The following BMPR2 variants were observed in gnomAD, a reference collection of about 807,000 sequenced individuals.
The protein encoded by BMPR2 is bone morphogenetic protein receptor type-2.
BMPR2 carries 29 observed loss-of-function variants against 100.8 expected under a neutral mutation model. The ratio of observed to expected loss-of-function variants is 0.29; its 90% CI spans 0.21 to 0.39. The LOEUF is 0.39. Ranked by LOEUF, BMPR2 falls within the 10% of genes least tolerant of loss-of-function variation. BMPR2 has a pLI of 1.00. For missense variants in BMPR2, 1,011 were observed against 1,274.5 expected, an observed-to-expected ratio of 0.79 and a Z score of 3.15; for synonymous variants, 382 against 442.3, an observed-to-expected ratio of 0.86 and a Z score of 1.71.
intron 3 of BMPR2, chr2:202,505,373 G>A (rs1214783289): frequency 2.4e-5 from 3 of 125,632 alleles, no homozygotes; most frequent in Non-Finnish European, 4.9e-5. Flanking sequence ...AATAAATTTT[G>A]GAAACAGGAT....
chr2:202,457,634 A>G (rs1574459445), intron 1 of BMPR2, among the ~76,000 whole-genome samples: 1 of 150,648 alleles, frequency 6.6e-6, no homozygotes, highest in Non-Finnish European at 1.5e-5. Flanking sequence ...AACCTATGCT[A>G]ATTTTTCTGT....
In BMPR2 at chr2:202,467,825, G is replaced by A. The variant is rs531762600; in HGVS notation, c.418+136G>A. 2.0e-4 allele frequency: 170 copies of A among 854,512 alleles called. No homozygotes were observed. In the African/African-American group the frequency reaches 2.0e-3, roughly 10 times the overall value. The allele number at this position is 854,512 out of a possible 1,614,324, so 52.9% of individuals were successfully genotyped here. On this transcript the variant is annotated intron_variant, in intron 3 of 12. Transcript: ENST00000374580. ...TGTAATGCCAGCACTTTGGGAGGCC[G>A]AGGTGGATGGATCACCTGAGGTCAG...
chr2:202,492,805 GA>G (rs1231035976), intron 3 of BMPR2, among the ~76,000 whole-genome samples: 2 of 150,794 alleles, frequency 1.3e-5, no homozygotes, highest in Non-Finnish European at 2.9e-5. Context: ...CAGACCAGGA[GA>G]AATTTAATGG....
chr2:202,544,761 C>CTTTT (rs56654364), intron 10 of BMPR2, among the ~76,000 whole-genome samples: 134 of 82,646 alleles, frequency 1.6e-3, no homozygotes, highest in African/African-American at 2.8e-3. Context: ...CTTTTTCTTT[C>CTTTT]TTTTTTTTTT....
intron 1 of BMPR2, among the ~76,000 whole-genome samples, chr2:202,415,703 C>T (rs1264051335): frequency 6.6e-6 from 1 of 152,208 alleles, no homozygotes; most frequent in Non-Finnish European, 1.5e-5. Context: ...GACAGCACAT[C>T]TGCTTACAGC....
intron 3 of BMPR2, among the ~76,000 whole-genome samples, chr2:202,478,437 C>T (rs1011274953): frequency 1.3e-5 from 2 of 152,154 alleles, no homozygotes; most frequent in Admixed American, 1.3e-4. Flanking sequence ...GTTGACAGAA[C>T]GTTGTGACTT....
At chr2:202,382,466 C>CA (rs1690324890) in intron 1 of BMPR2, among the ~76,000 whole-genome samples, 1 of 152,210 alleles carries the variant, frequency 6.6e-6, no homozygotes, top group South Asian at 2.1e-4. Flanking sequence ...GTTGGGATTA[C>CA]AGGTGTGAGC....
intron 2 of BMPR2, among the ~76,000 whole-genome samples, chr2:202,465,969 T>G (rs890873771): frequency 2.6e-5 from 4 of 152,256 alleles, no homozygotes; most frequent in African/African-American, 9.6e-5. Context: ...TTTTAACTTT[T>G]GCACAACATA....
At chr2:202,389,137 C>T (rs1026435005) in intron 1 of BMPR2, among the ~76,000 whole-genome samples, 6 of 151,388 alleles carry the variant, frequency 4.0e-5, no homozygotes, top group Admixed American at 4.0e-4. Flanking sequence ...AGGTGGGAGG[C>T]TCACTGAAGC....
At position 202,495,327 on chromosome 2, in the gene BMPR2, C is replaced by G. The variant is rs1014536557; in HGVS notation, c.419-18392C>G. 6.6e-6 allele frequency among the ~76,000 whole-genome samples: 1 copy of G among 152,270 alleles called. No homozygotes were observed. The highest frequency in any genetic ancestry group is 1.9e-4 in the East Asian group (1 of 5,182). ...AGATGGTTTTCTCCTGGAGTTGGGC[C>G]GCTTGGTGGCCAGGGCTCTCCTCCG... On this transcript the variant is annotated intron_variant, in intron 3 of 12. Coordinates refer to ENST00000374580, the MANE Select transcript of BMPR2 (RefSeq NM_001204.7). This position sits in a 1 kb window ranked among gnomAD's most constrained non-coding sequence, Gnocchi z 4.5.
At chr2:202,458,272 C>T (rs774847359) in intron 1 of BMPR2, among the ~76,000 whole-genome samples, 74 of 128,660 alleles carry the variant, frequency 5.8e-4, no homozygotes, top group Non-Finnish European at 1.1e-3. Flanking sequence ...CATAGCAAGA[C>T]CTTGTCTCTG....
At chr2:202,447,873 G>T (rs916612478) in intron 1 of BMPR2, among the ~76,000 whole-genome samples, 2 of 150,346 alleles carry the variant, frequency 1.3e-5, no homozygotes, top group Admixed American at 1.3e-4. Flanking sequence ...AATTATGTAG[G>T]TTAAGAATGT....
At chr2:202,509,195 T>C (rs1216275463) in intron 3 of BMPR2, among the ~76,000 whole-genome samples, 1 of 152,114 alleles carries the variant, frequency 6.6e-6, no homozygotes, top group African/African-American at 2.4e-5. Flanking sequence ...AGCAGCATAC[T>C]TTTTAGTATC....
intron 1 of BMPR2, among the ~76,000 whole-genome samples, chr2:202,378,209 G>C (rs1690194729): frequency 1.3e-5 from 2 of 152,164 alleles, no homozygotes; most frequent in Admixed American, 6.5e-5. Context: ...ACTTCTAGGA[G>C]ATTTGACTCC....
At chr2:202,400,813 CAT>C (rs1306440717) in intron 1 of BMPR2, among the ~76,000 whole-genome samples, 1 of 152,078 alleles carries the variant, frequency 6.6e-6, no homozygotes, top group Non-Finnish European at 1.5e-5. Flanking sequence ...AATTGTGAAA[CAT>C]TTTTGTTTAG....
chr2:202,467,376 AAT>A (rs1692345769), intron 2 of BMPR2, 141 bp from the exon 3 acceptor site: 2 of 748,710 alleles, frequency 2.7e-6, no homozygotes, highest in Non-Finnish European at 4.4e-6. Context: ...GTTTCTTAAA[AAT>A]ATGTTTCCTG....
chr2:202,559,041 T>C (rs574331174), intron 12 of BMPR2, among the ~76,000 whole-genome samples: 22 of 152,218 alleles, frequency 1.4e-4, no homozygotes, highest in African/African-American at 5.1e-4. Flanking sequence ...GGCTCACACC[T>C]GTAATCCCAG....
At chr2:202,464,100 G>A (rs1176597944) in intron 1 of BMPR2, among the ~76,000 whole-genome samples, 3 of 149,742 alleles carry the variant, frequency 2.0e-5, no homozygotes, top group South Asian at 2.1e-4. Context: ...CAGAGGTTGC[G>A]GTGAGGCGAG....
chr2:202,485,564 T>TTTTTTTA, intron 3 of BMPR2, among the ~76,000 whole-genome samples: 1 of 140,094 alleles, frequency 7.1e-6, no homozygotes, highest in Non-Finnish European at 1.5e-5. Context: ...TTTTTTTTTT[T>TTTTTTTA]GAGACAGAGT....
Sources: gnomAD v4.1 joint callset for allele counts (sites outside exome capture counted in the v4.1 genomes callset) on GRCh38, gnomAD v4.1.1 for gene constraint, Gnocchi (gnomAD v3.1) non-coding constraint, MANE v1.5 for transcripts, NCBI Gene and HGNC (gene_info 2026-07-23, HGNC 2026-07-21) for gene names.